VPS13C: variants seen among roughly 807,000 people sequenced by gnomAD.
VPS13C encodes the protein intermembrane lipid transfer protein VPS13C.
A neutral mutation model predicts 456.8 loss-of-function variants in VPS13C; 358 were observed. The observed-to-expected ratio is 0.78, with a 90% CI of 0.72 to 0.86. The LOEUF is 0.86. VPS13C is among the 40% of genes least tolerant of loss of function. The probability of loss-of-function intolerance (pLI) is 0.00; values close to 1 mark genes in which losing one functional copy is unlikely to be tolerated. For missense variants in VPS13C, 4,818 were observed against 4,385.4 expected (o/e 1.10, Z -2.79); for synonymous variants, 1,578 against 1,486.7 (o/e 1.06, Z -1.41).
intron 1 of VPS13C, among the ~76,000 whole-genome samples, chr15:62,053,857 G>A (rs12442675): frequency 0.4 from 60,143 of 152,042 alleles, 13,120 homozygotes; most frequent in Admixed American, 0.51. Context: ...TAAACAGCAC[G>A]GGTTCAGTCT....
In VPS13C at chr15:62,028,276, C is replaced by T. The variant is rs1203090844; in HGVS notation, c.448+82G>A. The T allele has an allele frequency of 3.5e-6, 5 of 1,422,032 alleles. No homozygotes were observed. The East Asian group carries it at 1.2e-4, about 33-fold the overall frequency. 88.1% of individuals were successfully genotyped at this position (1,422,032 alleles called of 1,614,324 possible). The stretch of plus-strand genomic sequence containing the variant: ...CATATTTTCTAAAAGGATGGCATGC[C>T]ATCAAATGGACTCCACCAAAAGCAC... On this transcript the variant is annotated intron_variant, in intron 6 of 84. Coordinates refer to ENST00000644861, the MANE Select transcript of VPS13C (RefSeq NM_020821.3).
chr15:61,919,290 T>C lies in VPS13C; in HGVS notation c.7637A>G (p.Gln2546Arg). ...NKVITLRSPL[Q>R]IKNHFSIAFI... ...ATACAATTAACTTTGAAGTATTACC[T>C]GTAGAGGAGAGCGAAGGGTAATTAC... The change falls in exon 58 of 85, where the codon CAG becomes CGG. Residue 2546 changes from glutamine to arginine, a missense_variant and splice_region_variant. By Grantham distance (43) the Gln-to-Arg change is conservative. Around this residue, in one of 3 missense-constraint regions of VPS13C, gnomAD observed 4,552 missense variants for 4,130.6 expected, o/e 1.10. Coordinates refer to ENST00000644861, the MANE Select transcript of VPS13C (RefSeq NM_020821.3). 4 of 1,592,754 alleles carry C rather than the reference T, an allele frequency of 2.5e-6. No individual in the cohort carries two copies. The highest frequency in any genetic ancestry group is 3.4e-6 in the Non-Finnish European group (4 of 1,171,286).
intron 15 of VPS13C, among the ~76,000 whole-genome samples, chr15:62,002,152 C>A (rs1223555970): frequency 6.6e-6 from 1 of 152,210 alleles, no homozygotes; most frequent in Admixed American, 6.5e-5. Flanking sequence ...AAAGGTGTTC[C>A]TATTTCTCCA....
rs74580353 is a variant in VPS13C, at chr15:61,938,493, G to A, written c.5602-1743C>T. ...AAAACTATACAGACTATGACCAAAG[G>A]GGGGTGTTTAGAGAGACCTGGATCA... On this transcript the variant is annotated intron_variant, in intron 47 of 84. Transcript: ENST00000644861. Among the ~76,000 whole-genome samples, 53 of 152,230 alleles carry A rather than the reference G, an allele frequency of 3.5e-4. No individual in the cohort carries two copies. The East Asian group carries it at 8.1e-3, about 23-fold the overall frequency.
Position 62,014,044 on chromosome 15 carries a change from G to A in VPS13C, c.685-52C>T, listed in dbSNP as rs2047141110. The A allele has an allele frequency of 2.2e-6, 3 of 1,375,372 alleles. No homozygotes were observed. In the East Asian group the frequency reaches 6.9e-5, roughly 32 times the overall value. 85.2% of individuals were successfully genotyped at this position (1,375,372 alleles called of 1,614,324 possible). ...AAACGTGGTATGGATGTCATTAATA[G>A]CGCTCTAATACTTACATAATGTAAC... On this transcript the variant is annotated intron_variant, in intron 9 of 84. Coordinates refer to ENST00000644861, the MANE Select transcript of VPS13C (RefSeq NM_020821.3).
At chr15:61,877,691 A>C (rs1339997331) in intron 74 of VPS13C, among the ~76,000 whole-genome samples, 1 of 151,886 alleles carries the variant, frequency 6.6e-6, no homozygotes, top group Non-Finnish European at 1.5e-5. Context: ...CACTTATACC[A>C]ACAGTATTTA....
chr15:61,876,157 G>C (rs1194893202), intron 75 of VPS13C, among the ~76,000 whole-genome samples: 2 of 152,164 alleles, frequency 1.3e-5, no homozygotes, highest in East Asian at 3.9e-4. Context: ...GTCAGGCTGG[G>C]TGTGGTGGCT....
chr15:62,058,818 G>A (rs1164698324), intron 1 of VPS13C, among the ~76,000 whole-genome samples: 1 of 152,018 alleles, frequency 6.6e-6, no homozygotes, highest in African/African-American at 2.4e-5. Flanking sequence ...TTGGGAGGCT[G>A]AGGCAGGAGG....
intron 12 of VPS13C, among the ~76,000 whole-genome samples, 185 bp from the exon 13 acceptor site, chr15:62,010,784 C>T (rs951983184): frequency 1.3e-5 from 2 of 152,060 alleles, no homozygotes; most frequent in African/African-American, 4.8e-5. Flanking sequence ...ATAATAAGCT[C>T]GATGGTTAAA....
At chr15:62,052,709 A>T (rs2048665569) in intron 1 of VPS13C, among the ~76,000 whole-genome samples, 1 of 151,828 alleles carries the variant, frequency 6.6e-6, no homozygotes, top group Admixed American at 6.6e-5. Context: ...ACCAAAGAAA[A>T]TATTATAGCT....
chr15:61,852,398 C>T lies in VPS13C; in HGVS notation c.*2059G>A, dbSNP rs776848752. 3 of 152,174 alleles carry T rather than the reference C, an allele frequency of 2.0e-5. No homozygotes were observed. The highest frequency in any genetic ancestry group is 2.9e-5 in the Non-Finnish European group (2 of 68,028). The allele number at this position is 152,174 out of a possible 1,614,324, so 9.4% of individuals were successfully genotyped here. A position where few individuals can be genotyped will look rare whatever the true frequency, so the allele number is the denominator to read the frequency against. On this transcript the variant is annotated 3_prime_UTR_variant, in exon 85 of 85. Coordinates refer to ENST00000644861, the MANE Select transcript of VPS13C (RefSeq NM_020821.3). ...ACACAAACCCACAAAGTTTTCACAC[C>T]TGTAAACAATGTGCCAAATGTTTTA...
At chr15:61,967,937 C>T (rs376193339) in intron 28 of VPS13C, among the ~76,000 whole-genome samples, 44 of 152,084 alleles carry the variant, frequency 2.9e-4, no homozygotes, top group East Asian at 1.2e-3. Context: ...AATTTGTCCA[C>T]CATTTTATCC....
chr15:61,947,413 G>T, intron 42 of VPS13C, 104 bp from the exon 43 acceptor site: 1 of 722,912 alleles, frequency 1.4e-6, no homozygotes, highest in Non-Finnish European at 2.3e-6. Context: ...GTACTCTGAG[G>T]AACCAAAATG....
intron 66 of VPS13C, among the ~76,000 whole-genome samples, chr15:61,901,640 G>C (rs968715297): frequency 2.6e-5 from 4 of 151,830 alleles, no homozygotes; most frequent in Admixed American, 2.6e-4. Flanking sequence ...GTGGAGAAAT[G>C]GGAACACTTT....
At chr15:62,035,334 A>T (rs1024587721) in intron 3 of VPS13C, among the ~76,000 whole-genome samples, 27 of 151,992 alleles carry the variant, frequency 1.8e-4, no homozygotes, top group African/African-American at 6.3e-4. Flanking sequence ...TAAGTCAGCT[A>T]TTATTTCAAT....
chr15:61,922,152 C>T (rs2140185406), intron 54 of VPS13C, 119 bp from the exon 55 acceptor site: 1 of 1,136,250 alleles, frequency 8.8e-7, no homozygotes, highest in Non-Finnish European at 1.3e-6. Context: ...TTTCAAAACC[C>T]ATCTAACAAT....
chr15:61,934,156 C>G, intron 49 of VPS13C, 63 bp downstream of exon 49: 2 of 1,083,132 alleles, frequency 1.8e-6, no homozygotes, highest in Non-Finnish European at 2.6e-6. Context: ...AAAAAGCCAA[C>G]ACTCTAAAAC....
At chr15:62,035,128 G>C (rs2047947583) in intron 3 of VPS13C, 76 bp from the exon 4 acceptor site, 1 of 1,049,308 alleles carries the variant, frequency 9.5e-7, no homozygotes, top group Non-Finnish European at 1.4e-6. Context: ...TTTCCATTAA[G>C]CGAAAAAGCA....
chr15:61,997,172 CA>C (rs1268004249), intron 16 of VPS13C, among the ~76,000 whole-genome samples: 2 of 152,088 alleles, frequency 1.3e-5, no homozygotes, highest in Non-Finnish European at 2.9e-5. Flanking sequence ...GTTAAAAAAT[CA>C]GGTGCATCTG....
Sources: gnomAD v4.1 joint callset for allele counts (sites outside exome capture counted in the v4.1 genomes callset) on GRCh38, gnomAD v4.1.1 for gene constraint, gnomAD v4.1.1 regional missense constraint, MANE v1.5 for transcripts, NCBI Gene and HGNC (gene_info 2026-07-23, HGNC 2026-07-21) for gene names.